DACH2: variants seen among roughly 807,000 people sequenced by gnomAD.
DACH2 encodes the protein dachshund family transcription factor 2.
DACH2 carries 17 observed loss-of-function variants against 35.8 expected under a neutral mutation model. The observed-to-expected ratio is 0.48, with a 90% CI of 0.33 to 0.71. The LOEUF (loss-of-function observed/expected upper bound fraction) is 0.71, where lower values mean the gene tolerates loss of function less well. Ranked by LOEUF, DACH2 falls within the 30% of genes least tolerant of loss-of-function variation. The probability of loss-of-function intolerance (pLI) is 0.02; values close to 1 mark genes in which losing one functional copy is unlikely to be tolerated. For synonymous variants in DACH2, 195 were observed against 177.3 expected (o/e 1.10, Z -0.79); for missense variants, 469 against 472.7 (o/e 0.99, Z 0.07).
At chrX:86,784,799 A>C (rs911620694) in intron 7 of DACH2, among the ~76,000 whole-genome samples, 10 of 112,052 alleles carry the variant, frequency 8.9e-5, no homozygotes, top group African/African-American at 2.6e-4. Flanking sequence ...TCACAGCCAC[A>C]AAAGTAATGA....
At chrX:86,816,805 C>A (rs2042458217) in intron 11 of DACH2, among the ~76,000 whole-genome samples, 1 of 111,826 alleles carries the variant, frequency 8.9e-6, no homozygotes. Context: ...CACTTCTAGA[C>A]CTTTGCATGC....
At chrX:86,584,246 A>G (rs1361217141) in intron 3 of DACH2, among the ~76,000 whole-genome samples, 2 of 110,269 alleles carry the variant, frequency 1.8e-5, no homozygotes, top group Non-Finnish European at 3.8e-5. Context: ...GTTCTTTTTT[A>G]TTTGAATTTT....
chrX:86,799,771 TG>T (rs2042273828), intron 7 of DACH2, among the ~76,000 whole-genome samples: 1 of 112,353 alleles, frequency 8.9e-6, no homozygotes, highest in Non-Finnish European at 1.9e-5. Context: ...AAGAATTTAT[TG>T]GGTAAATCCT....
intron 4 of DACH2, among the ~76,000 whole-genome samples, chrX:86,656,889 A>ATATATATATG (rs2040548916): frequency 1.0e-5 from 1 of 98,770 alleles, no homozygotes; most frequent in East Asian, 3.2e-4. Context: ...ATATATATAT[A>ATATATATATG]TAGTGAAGTA....
chrX:86,324,571 CTTTTTT>C (rs56918891), intron 1 of DACH2, among the ~76,000 whole-genome samples: 2 of 40,638 alleles, frequency 4.9e-5, no homozygotes, highest in East Asian at 1.0e-3. Context: ...TCACTGTTGT[CTTTTTT>C]TTTTTTTTTT....
chrX:86,598,954 TCCCGCCACCCCACGACAGG>T (rs1323982854), intron 3 of DACH2, among the ~76,000 whole-genome samples: 1 of 109,434 alleles, frequency 9.1e-6, no homozygotes, highest in African/African-American at 3.4e-5. Context: ...CCCTCGCCCC[TCCCGCCACCCCACGACAGG>T]CCCCAGTGTG....
chrX:86,347,887 G>A (rs1292856963), intron 1 of DACH2, among the ~76,000 whole-genome samples: 1 of 111,975 alleles, frequency 8.9e-6, no homozygotes, highest in African/African-American at 3.2e-5. Context: ...AAGAGGAAAA[G>A]TTCCTTATCA....
intron 1 of DACH2, among the ~76,000 whole-genome samples, chrX:86,328,249 C>T (rs1208299708): frequency 9.0e-6 from 1 of 111,464 alleles, no homozygotes; most frequent in African/African-American, 3.3e-5. Flanking sequence ...GTCTAGATAT[C>T]TGCCGTGTAT....
intron 1 of DACH2, among the ~76,000 whole-genome samples, chrX:86,257,569 G>A (rs1398235973): frequency 3.6e-5 from 4 of 111,315 alleles, no homozygotes; most frequent in Admixed American, 9.5e-5. Context: ...CACCATGCTC[G>A]TTTAATTTTT....
At position 86,240,917 on chromosome X, in the gene DACH2, A is replaced by G. The variant is rs113090614; in HGVS notation, c.488+91809A>G. On this transcript the variant is annotated intron_variant, in intron 1 of 11. Coordinates refer to ENST00000373125, the MANE Select transcript of DACH2 (RefSeq NM_053281.3). ...ACATGCTTCCCCTTTGCCTTCCACC[A>G]TGATTGTAAGTTTCCTGAGGCCTCC... 4.1e-3 allele frequency among the ~76,000 whole-genome samples: 451 copies of G among 111,301 alleles called. 2 individuals are homozygous for G. The highest frequency in any genetic ancestry group is 0.014 in the African/African-American group (426 of 30,595).
chrX:86,272,095 G>A (rs1227435631), intron 1 of DACH2, among the ~76,000 whole-genome samples: 1 of 110,906 alleles, frequency 9.0e-6, no homozygotes, highest in East Asian at 2.8e-4. Flanking sequence ...TTGACTTTCT[G>A]TTTTTGAGTT....
intron 7 of DACH2, among the ~76,000 whole-genome samples, chrX:86,767,550 A>G (rs1217537757): frequency 8.9e-6 from 1 of 112,054 alleles, no homozygotes; most frequent in Non-Finnish European, 1.9e-5. Context: ...ACTATTAACC[A>G]AATTATAGAG....
chrX:86,414,841 G>T (rs1170960132), intron 2 of DACH2, among the ~76,000 whole-genome samples: 1 of 111,360 alleles, frequency 9.0e-6, no homozygotes, highest in Non-Finnish European at 1.9e-5. Flanking sequence ...CCTACTTAGT[G>T]GGCCCAAATT....
chrX:86,389,000 G>A (rs931747227), intron 2 of DACH2, among the ~76,000 whole-genome samples: 1 of 111,122 alleles, frequency 9.0e-6, no homozygotes. Flanking sequence ...GGTGAGAAAG[G>A]GAGGGCTTAA....
At chrX:86,367,592 C>T in intron 1 of DACH2, among the ~76,000 whole-genome samples, 1 of 111,152 alleles carries the variant, frequency 9.0e-6, no homozygotes, top group Non-Finnish European at 1.9e-5. Context: ...GAGATCAACT[C>T]ATTCAACCTT....
chrX:86,342,309 C>T (rs1178698366), intron 1 of DACH2, among the ~76,000 whole-genome samples: 2 of 110,082 alleles, frequency 1.8e-5, no homozygotes, highest in Non-Finnish European at 3.8e-5. Context: ...GACCAGATGG[C>T]GTAACACAGG....
At chrX:86,254,424 CT>C (rs1418296060) in intron 1 of DACH2, among the ~76,000 whole-genome samples, 5 of 110,160 alleles carry the variant, frequency 4.5e-5, no homozygotes, top group East Asian at 5.7e-4. Flanking sequence ...CTCTCTTTCT[CT>C]TTTTTTGTAT....
intron 1 of DACH2, among the ~76,000 whole-genome samples, chrX:86,162,440 T>C (rs906912627): frequency 5.4e-5 from 6 of 111,234 alleles, no homozygotes; most frequent in Admixed American, 1.9e-4. Context: ...AACTAACTGA[T>C]AGGTGGGAAG....
intron 6 of DACH2, among the ~76,000 whole-genome samples, chrX:86,738,524 T>C (rs908787174): frequency 2.7e-5 from 3 of 111,828 alleles, no homozygotes; most frequent in African/African-American, 9.7e-5. Context: ...AATTAAATAT[T>C]TTATAGAACA....
Sources: gnomAD v4.1 joint callset for allele counts (sites outside exome capture counted in the v4.1 genomes callset) on GRCh38, gnomAD v4.1.1 for gene constraint, MANE v1.5 for transcripts, NCBI Gene and HGNC (gene_info 2026-07-23, HGNC 2026-07-21) for gene names.